Variants in RALYL observed in about 807,000 individuals in gnomAD.
The protein encoded by RALYL is RALY RNA binding protein like, also known as RNA-binding Raly-like protein.
Under a neutral mutation model 35.1 loss-of-function variants are expected in RALYL, and 29 were observed. That is an observed-to-expected ratio of 0.83 (90% confidence interval 0.61 to 1.13). The LOEUF (loss-of-function observed/expected upper bound fraction) is 1.13. Among genes scored for constraint, RALYL ranks in the 50% most tolerant of loss-of-function variants. The pLI is 0.00. For synonymous variants in RALYL, 120 were observed against 127.6 expected, an observed-to-expected ratio of 0.94 and a Z score of 0.40; for missense variants, 359 against 360.4, an observed-to-expected ratio of 1.00 and a Z score of 0.03.
In RALYL at chr8:84,469,402, G is replaced by A. The variant is rs373401366; in HGVS notation, c.-23-59897G>A. On this transcript the variant is annotated intron_variant, in intron 1 of 8. Transcript: ENST00000521268. ...TGCAGGTCTGTTGGAGTACCCTGCCGTGTGAGGTGTCAGTGTGCCCCTGCT... is the reference window on the plus strand; with the variant it reads ...TGCAGGTCTGTTGGAGTACCCTGCCATGTGAGGTGTCAGTGTGCCCCTGCT... 1.6e-4 allele frequency among the ~76,000 whole-genome samples: 25 copies of A among 152,224 alleles called. 2 individuals are homozygous for A. In the South Asian group the frequency reaches 4.1e-3, roughly 25 times the overall value.
At chr8:84,564,687 G>C (rs979154261) in intron 2 of RALYL, among the ~76,000 whole-genome samples, 1 of 151,514 alleles carries the variant, frequency 6.6e-6, no homozygotes, top group Non-Finnish European at 1.5e-5. Context: ...AGACATAAAG[G>C]CTTCTAAAAT....
intron 1 of RALYL, among the ~76,000 whole-genome samples, chr8:84,317,881 CTCTT>C: frequency 6.6e-6 from 1 of 152,220 alleles, no homozygotes; most frequent in Non-Finnish European, 1.5e-5. Flanking sequence ...TTTTTATTCT[CTCTT>C]TCTACCTTTT....
chr8:84,727,650 G>C (rs1456296958), intron 2 of RALYL, among the ~76,000 whole-genome samples: 1 of 118,170 alleles, frequency 8.5e-6, no homozygotes, highest in Non-Finnish European at 1.6e-5. Context: ...AGTCCCCAGA[G>C]TGTGATGTTC....
intron 1 of RALYL, among the ~76,000 whole-genome samples, chr8:84,324,496 T>A (rs1431776616): frequency 6.6e-6 from 1 of 152,048 alleles, no homozygotes; most frequent in Non-Finnish European, 1.5e-5. Context: ...AAGTTCTCAA[T>A]ATATTGAGAA....
intron 1 of RALYL, among the ~76,000 whole-genome samples, chr8:84,335,721 TTTTTTTTC>T: frequency 6.8e-6 from 1 of 146,330 alleles, no homozygotes. Context: ...TTTTTTTTTT[TTTTTTTTC>T]CAAGACCTGA....
intron 2 of RALYL, among the ~76,000 whole-genome samples, chr8:84,641,533 A>G (rs1826326117): frequency 6.6e-6 from 1 of 151,882 alleles, no homozygotes; most frequent in Admixed American, 6.6e-5. Flanking sequence ...TACAAAAAGT[A>G]CACTTACAAG....
chr8:84,670,541 T>A (rs541574842), intron 2 of RALYL, among the ~76,000 whole-genome samples: 6 of 152,346 alleles, frequency 3.9e-5, no homozygotes, highest in Non-Finnish European at 7.3e-5. Context: ...AAAAGAGGTT[T>A]AATGGACTCA....
intron 1 of RALYL, among the ~76,000 whole-genome samples, chr8:84,463,342 C>A (rs1477184088): frequency 6.6e-6 from 1 of 151,896 alleles, no homozygotes; most frequent in Admixed American, 6.6e-5. Flanking sequence ...ATTTTTGCTG[C>A]CAAAATAGCA....
At chr8:84,558,418 G>C (rs1417299278) in intron 2 of RALYL, among the ~76,000 whole-genome samples, 1 of 152,128 alleles carries the variant, frequency 6.6e-6, no homozygotes, top group African/African-American at 2.4e-5. Context: ...TAAAAGATGA[G>C]AAGTTACTGT....
chr8:84,472,496 T>A (rs1292873454), intron 1 of RALYL, among the ~76,000 whole-genome samples: 1 of 152,148 alleles, frequency 6.6e-6, no homozygotes, highest in African/African-American at 2.4e-5. Context: ...ATCTCAGAGG[T>A]CAAGAAATGT....
intron 2 of RALYL, among the ~76,000 whole-genome samples, chr8:84,532,490 C>T (rs957910517): frequency 2.6e-5 from 4 of 151,874 alleles, no homozygotes; most frequent in South Asian, 2.1e-4. Context: ...CAACAAACCC[C>T]GGCCAGTTCT....
intron 1 of RALYL, among the ~76,000 whole-genome samples, chr8:84,504,828 T>C (rs1465588688): frequency 6.6e-6 from 1 of 152,070 alleles, no homozygotes; most frequent in Non-Finnish European, 1.5e-5. Flanking sequence ...TAGTTAAGGA[T>C]AACAAATCAG....
intron 1 of RALYL, among the ~76,000 whole-genome samples, chr8:84,514,409 G>T (rs1253703028): frequency 6.6e-6 from 1 of 152,134 alleles, no homozygotes; most frequent in East Asian, 1.9e-4. Context: ...ATATATAAAT[G>T]ATAGAAGTTT....
intron 1 of RALYL, among the ~76,000 whole-genome samples, chr8:84,356,348 C>G (rs1851822638): frequency 6.7e-6 from 1 of 150,254 alleles, no homozygotes; most frequent in Non-Finnish European, 1.5e-5. Flanking sequence ...GTTGTTGAAA[C>G]CATACAAACT....
intron 1 of RALYL, among the ~76,000 whole-genome samples, chr8:84,184,676 G>C (rs1290411198): frequency 6.6e-6 from 1 of 151,806 alleles, no homozygotes; most frequent in Non-Finnish European, 1.5e-5. Flanking sequence ...ACGGTGAGCT[G>C]CGCCCAGGTC....
chr8:84,215,387 A>G (rs1254216721), intron 1 of RALYL, among the ~76,000 whole-genome samples: 1 of 152,108 alleles, frequency 6.6e-6, no homozygotes, highest in Non-Finnish European at 1.5e-5. Context: ...TAAAGAAAAT[A>G]TTTTATACCT....
intron 3 of RALYL, among the ~76,000 whole-genome samples, chr8:84,800,191 C>T (rs1259985369): frequency 6.6e-6 from 1 of 152,128 alleles, no homozygotes; most frequent in East Asian, 1.9e-4. Context: ...TACCTTGAGG[C>T]ACATGTAAAC....
At chr8:84,376,228 A>G (rs2131529861) in intron 1 of RALYL, among the ~76,000 whole-genome samples, 1 of 152,070 alleles carries the variant, frequency 6.6e-6, no homozygotes, top group African/African-American at 2.4e-5. Context: ...ACTAAGGCTC[A>G]GTACTTGGAA....
chr8:84,368,932 G>A (rs1037484330), intron 1 of RALYL, among the ~76,000 whole-genome samples: 7 of 152,114 alleles, frequency 4.6e-5, no homozygotes, highest in Middle Eastern at 3.2e-3. Flanking sequence ...CAACTTCATG[G>A]CAAGTTTGTC....
Sources: allele counts gnomAD v4.1 joint callset (sites outside exome capture counted in the v4.1 genomes callset), GRCh38; gene constraint gnomAD v4.1.1; transcripts MANE v1.5; gene names NCBI Gene and HGNC (gene_info 2026-07-23, HGNC 2026-07-21).